TAS1R1: variants seen among roughly 807,000 people sequenced by gnomAD.
TAS1R1 encodes the protein taste receptor type 1 member 1.
TAS1R1 carries 31 observed loss-of-function variants against 45.8 expected under a neutral mutation model. The observed-to-expected ratio is 0.68, with a 90% CI of 0.51 to 0.91. The LOEUF is 0.91. TAS1R1 is among the 40% of genes least tolerant of loss of function. The pLI is 0.00. For missense variants in TAS1R1, 1,051 were observed against 1,063.9 expected (o/e 0.99, Z 0.17); for synonymous variants, 437 against 448.4 (o/e 0.97, Z 0.32).
chr1:6,562,520 A>G (rs1445307209), intron 1 of TAS1R1, among the ~76,000 whole-genome samples: 1 of 152,096 alleles, frequency 6.6e-6, no homozygotes, highest in African/African-American at 2.4e-5. Context: ...AGACTCTTTT[A>G]CATTATGTCA....
At chr1:6,569,159 A>C (rs1486723552) in intron 1 of TAS1R1, among the ~76,000 whole-genome samples, 1 of 111,448 alleles carries the variant, frequency 9.0e-6, no homozygotes, top group Non-Finnish European at 1.8e-5. Context: ...AAGGTGGGGG[A>C]TTGGGGTGGT....
At chr1:6,560,021 G>A (rs543206285) in intron 1 of TAS1R1, among the ~76,000 whole-genome samples, 9 of 145,520 alleles carry the variant, frequency 6.2e-5, no homozygotes, top group African/African-American at 2.1e-4. Flanking sequence ...AAAAAAAGCC[G>A]GGTGCTAATG....
chr1:6,567,565 A>G (rs1364641224), intron 1 of TAS1R1, among the ~76,000 whole-genome samples: 1 of 150,118 alleles, frequency 6.7e-6, no homozygotes, highest in Non-Finnish European at 1.5e-5. Context: ...GTCTCAAAGA[A>G]AAAAAAAAAA....
chr1:6,556,639 T>G (rs980248284), intron 1 of TAS1R1, among the ~76,000 whole-genome samples: 3 of 151,702 alleles, frequency 2.0e-5, no homozygotes, highest in Non-Finnish European at 4.4e-5. Flanking sequence ...CGACCTCAGG[T>G]GATCCGCCCA....
chr1:6,573,787 C>G (rs1269975822), intron 2 of TAS1R1, among the ~76,000 whole-genome samples: 1 of 151,882 alleles, frequency 6.6e-6, no homozygotes, highest in African/African-American at 2.4e-5. Context: ...CTCAGCCTCC[C>G]GTGTAGCTGG....
chr1:6,577,546 C>T (rs1570137600), intron 5 of TAS1R1, among the ~76,000 whole-genome samples: 1 of 132,992 alleles, frequency 7.5e-6, no homozygotes, highest in African/African-American at 2.9e-5. Flanking sequence ...GAAAGGAGGC[C>T]GGGCGCGGTG....
rs911677659 is a variant in TAS1R1, at chr1:6,568,772, G to A, written c.192-2137G>A. 5.9e-5 allele frequency among the ~76,000 whole-genome samples: 9 copies of A among 151,668 alleles called. No individual in the cohort carries two copies. In the South Asian group the frequency reaches 8.4e-4, roughly 14 times the overall value. On this transcript the variant is annotated intron_variant, in intron 1 of 5. Coordinates refer to ENST00000333172, the MANE Select transcript of TAS1R1 (RefSeq NM_138697.4). ...TAGGATCTTGCTGATGAAGATTGGC[G>A]GCATGTGCCTGTGCTGCAAGCCACA... is the stretch of plus-strand genomic sequence containing the variant.
intron 1 of TAS1R1, among the ~76,000 whole-genome samples, chr1:6,558,315 T>C (rs954187896): frequency 6.6e-6 from 1 of 152,296 alleles, no homozygotes. Flanking sequence ...GTGCTAAGAT[T>C]ATAGGTGTGA....
intron 1 of TAS1R1, among the ~76,000 whole-genome samples, chr1:6,556,943 A>C (rs1639696706): frequency 7.1e-6 from 1 of 141,102 alleles, no homozygotes; most frequent in Non-Finnish European, 1.5e-5. Context: ...CCGGAGGTGG[A>C]GGTTGCAGTG....
intron 1 of TAS1R1, among the ~76,000 whole-genome samples, chr1:6,561,434 G>A (rs990399202): frequency 1.1e-4 from 17 of 152,106 alleles, no homozygotes; most frequent in African/African-American, 3.9e-4. Context: ...ATCTGGGGCC[G>A]GGCACGGTAG....
chr1:6,575,560 C>T (rs558628458), intron 3 of TAS1R1, among the ~76,000 whole-genome samples, 168 bp downstream of exon 3: 7 of 152,144 alleles, frequency 4.6e-5, no homozygotes, highest in African/African-American at 1.7e-4. Context: ...GCTCTGTCAC[C>T]CAGGCTGCAG....
intron 1 of TAS1R1, among the ~76,000 whole-genome samples, chr1:6,568,265 T>C (rs796967933): frequency 1.3e-5 from 2 of 151,744 alleles, no homozygotes; most frequent in South Asian, 2.1e-4. Context: ...CTGGCTAACA[T>C]GGTGAAACCC....
Position 6,574,453 on chromosome 1 carries a change from C to T in TAS1R1, c.499-178C>T, listed in dbSNP as rs1003394146. On this transcript the variant is annotated intron_variant, in intron 2 of 5. Coordinates refer to ENST00000333172, the MANE Select transcript of TAS1R1 (RefSeq NM_138697.4). The surrounding 1 kb of genome is among the most constrained non-coding windows in gnomAD (Gnocchi z 4.3). ...CTCACCCCTTGTCCCCAGGCAGATT[C>T]CCACCCCTCCCCCAGAACCTGCCCC... Among the ~76,000 whole-genome samples, 3 of 152,172 alleles carry T rather than the reference C, an allele frequency of 2.0e-5. No individual in the cohort carries two copies. Among genetic ancestry groups the T allele is most frequent in the Non-Finnish European group, 4.4e-5 (3 of 68,024 alleles).
intron 1 of TAS1R1, among the ~76,000 whole-genome samples, chr1:6,566,626 C>T (rs946972661): frequency 4.6e-5 from 7 of 152,082 alleles, no homozygotes; most frequent in African/African-American, 1.4e-4. Context: ...GATGGAGTCT[C>T]GCTCTGTTGC....
chr1:6,561,006 G>A lies in TAS1R1; in HGVS notation c.191+5442G>A, dbSNP rs28508186. 4.7e-3 allele frequency among the ~76,000 whole-genome samples: 380 copies of A among 80,266 alleles called. 5 individuals carry two copies. The highest frequency in any genetic ancestry group is 0.014 in the African/African-American group (317 of 22,988). 52.7% of individuals were successfully genotyped at this position (80,266 alleles called of 152,430 possible). A position where few individuals can be genotyped will look rare whatever the true frequency, so the allele number is the denominator to read the frequency against. Reference sequence around the variant, plus strand: ...TGTCTCAAAAAAAAAAAAAAAAAAAGAGGGGCGATGTTTATGGAGAAAGGC... The same window carrying A: ...TGTCTCAAAAAAAAAAAAAAAAAAAAAGGGGCGATGTTTATGGAGAAAGGC... On this transcript the variant is annotated intron_variant, in intron 1 of 5. Coordinates refer to ENST00000333172, the MANE Select transcript of TAS1R1 (RefSeq NM_138697.4).
intron 5 of TAS1R1, among the ~76,000 whole-genome samples, chr1:6,577,553 G>A (rs1490517796): frequency 1.3e-5 from 2 of 150,524 alleles, no homozygotes; most frequent in African/African-American, 2.5e-5. Context: ...GGCCGGGCGC[G>A]GTGGCTCACA....
At chr1:6,573,811 C>A (rs149867094) in intron 2 of TAS1R1, among the ~76,000 whole-genome samples, 1 of 151,902 alleles carries the variant, frequency 6.6e-6, no homozygotes, top group African/African-American at 2.4e-5. Context: ...TACAGGCGCG[C>A]GCCACCATGC....
At chr1:6,560,535 G>A (rs1639764496) in intron 1 of TAS1R1, among the ~76,000 whole-genome samples, 1 of 152,122 alleles carries the variant, frequency 6.6e-6, no homozygotes, top group Admixed American at 6.6e-5. Context: ...AGGGCCTGCA[G>A]ATGGTGAAAA....
rs566135671 is a variant in TAS1R1 at position 6,555,606 on chromosome 1, G to A, written c.191+42G>A. 6 of 1,514,702 alleles carry A rather than the reference G, an allele frequency of 4.0e-6. No homozygotes were observed. In the South Asian group the frequency reaches 6.1e-5, roughly 15 times the overall value. The allele number at this position is 1,514,702 out of a possible 1,614,324, so 93.8% of individuals were successfully genotyped here. ...CAGAGCCACACTTAGTGGGACCCCT[G>A]GCTATAGGGCCCCTCTGGCTGCCAT... On this transcript the variant is annotated intron_variant, in intron 1 of 5. Coordinates refer to ENST00000333172, the MANE Select transcript of TAS1R1 (RefSeq NM_138697.4).
Sources: gnomAD v4.1 joint callset for allele counts (sites outside exome capture counted in the v4.1 genomes callset) on GRCh38, gnomAD v4.1.1 for gene constraint, Gnocchi (gnomAD v3.1) non-coding constraint, MANE v1.5 for transcripts, NCBI Gene and HGNC (gene_info 2026-07-23, HGNC 2026-07-21) for gene names.